FOLH1: variants seen among roughly 807,000 people sequenced by gnomAD.
FOLH1 encodes the protein glutamate carboxypeptidase 2.
A neutral mutation model predicts 93.9 loss-of-function variants in FOLH1; 54 were observed. That is an observed-to-expected ratio of 0.57 (90% CI 0.46 to 0.72). FOLH1 has a LOEUF of 0.72. FOLH1 is among the 30% of genes least tolerant of loss of function. FOLH1 has a pLI of 0.00. For missense variants in FOLH1, 571 were observed against 892.5 expected, an observed-to-expected ratio of 0.64 and a Z score of 4.59; for synonymous variants, 249 against 303.6, an observed-to-expected ratio of 0.82 and a Z score of 1.87.
intron 11 of FOLH1, among the ~76,000 whole-genome samples, 199 bp downstream of exon 11, chr11:49,170,996 G>C (rs1227303942): frequency 6.6e-6 from 1 of 152,068 alleles, no homozygotes; most frequent in Admixed American, 6.6e-5. Flanking sequence ...GGCTCTAAAA[G>C]GTTCAAACAA....
At position 49,169,439 on chromosome 11, in the gene FOLH1, C is replaced by G. The variant is rs202721; in HGVS notation, c.1309-181G>C. 0.89 allele frequency among the ~76,000 whole-genome samples: 135,615 copies of G among 152,092 alleles called. 60,488 individuals carry two copies. Among genetic ancestry groups the G allele is most frequent in the South Asian group, 0.95 (4,585 of 4,814 alleles). On this transcript the variant is annotated intron_variant, in intron 11 of 18. Coordinates refer to ENST00000256999, the MANE Select transcript of FOLH1 (RefSeq NM_004476.3). ...TGAAAGAATTTCAATAAAGATTACTCGTAGGAAACAACAAGCAAAACTTGT... is the reference window on the plus strand; with the variant it reads ...TGAAAGAATTTCAATAAAGATTACTGGTAGGAAACAACAAGCAAAACTTGT...
At chr11:49,169,089 T>C (rs1281994419) in intron 12 of FOLH1, 106 bp downstream of exon 12, 3 of 1,316,188 alleles carry the variant, frequency 2.3e-6, no homozygotes, top group African/African-American at 1.5e-5. Flanking sequence ...GTAGATTCCC[T>C]AACCACACAT....
intron 17 of FOLH1, among the ~76,000 whole-genome samples, chr11:49,153,123 A>G (rs1420936423): frequency 2.0e-5 from 3 of 152,148 alleles, no homozygotes; most frequent in Non-Finnish European, 4.4e-5. Flanking sequence ...TTTAATACAC[A>G]GATCTCTGCC....
chr11:49,147,824 G>A (rs1185259335), intron 18 of FOLH1, among the ~76,000 whole-genome samples: 2 of 152,068 alleles, frequency 1.3e-5, no homozygotes, highest in Admixed American at 6.6e-5. Context: ...CTTCTTTGGA[G>A]GCTGCTGCAG....
rs796609248 is a variant in FOLH1 at position 49,147,241 on chromosome 11, A to G, written c.2064-296T>C. ...TTAATGTTTACTTGCAATTTTTCTG[A>G]TGTTTAGAAATAAACTCTACACAGT... is the stretch of plus-strand genomic sequence containing the variant. On this transcript the variant is annotated intron_variant, in intron 18 of 18. Coordinates refer to ENST00000256999, the MANE Select transcript of FOLH1 (RefSeq NM_004476.3). Among the ~76,000 whole-genome samples the G allele has an allele frequency of 3.3e-5, 5 of 152,254 alleles. No homozygotes were observed. The East Asian group carries it at 5.8e-4, about 18-fold the overall frequency.
chr11:49,181,936 A>G (rs1287520160), intron 7 of FOLH1, among the ~76,000 whole-genome samples: 2 of 152,300 alleles, frequency 1.3e-5, no homozygotes, highest in Non-Finnish European at 1.5e-5. Flanking sequence ...AAAATTAGTA[A>G]GAAAGGCTTG....
At chr11:49,207,944 CAAACAAACAAAACA>C in intron 1 of FOLH1, 1 of 485,910 alleles carries the variant, frequency 2.1e-6, no homozygotes, top group Non-Finnish European at 3.8e-6. Context: ...AAAAAACAAA[CAAACAAACAAAACA>C]AAACAAAACA....
At chr11:49,164,384 G>A (rs1858107860) in intron 13 of FOLH1, among the ~76,000 whole-genome samples, 1 of 152,164 alleles carries the variant, frequency 6.6e-6, no homozygotes, top group African/African-American at 2.4e-5. Context: ...TTGAGCCATA[G>A]GACCAAGTCT....
chr11:49,207,665 A>T (rs1048902298), intron 1 of FOLH1: 1 of 344,792 alleles, frequency 2.9e-6, no homozygotes, highest in Non-Finnish European at 5.7e-6. Flanking sequence ...TCATCATAAA[A>T]TAGGGTAACT....
At chr11:49,161,052 T>C (rs1346805277) in intron 13 of FOLH1, among the ~76,000 whole-genome samples, 1 of 152,208 alleles carries the variant, frequency 6.6e-6, no homozygotes, top group African/African-American at 2.4e-5. Flanking sequence ...TCCAATTATG[T>C]GATCAATTTT....
At chr11:49,174,567 T>TA (rs966828466) in intron 9 of FOLH1, among the ~76,000 whole-genome samples, 2 of 152,098 alleles carry the variant, frequency 1.3e-5, no homozygotes, top group East Asian at 1.9e-4. Flanking sequence ...AAAAATATGG[T>TA]AAAAAAAAAT....
Position 49,200,407 on chromosome 11 carries a change from C to T in FOLH1, c.259G>A (p.Glu87Lys). Residue 87 changes from glutamate (E) to lysine (K), a missense_variant, in exon 3 of 19, where the codon GAA becomes AAA. Transcript: ENST00000256999. ...FTQIPHLAGT[E>K]QNFQLAKQIQ... Reference sequence around the variant, plus strand: ...TGCTTTGCAAGCTGAAAGTTTTGTTCTGTTCCTGCTAAATGTGGTATCTGT... The same window carrying T: ...TGCTTTGCAAGCTGAAAGTTTTGTTTTGTTCCTGCTAAATGTGGTATCTGT... 1.8e-5 allele frequency: 29 copies of T among 1,613,288 alleles called. No individual in the cohort carries two copies. The highest frequency in any genetic ancestry group is 2.5e-5 in the Non-Finnish European group (29 of 1,179,664).
At chr11:49,198,495 A>AC (rs1555009044) in intron 3 of FOLH1, among the ~76,000 whole-genome samples, 2 of 151,014 alleles carry the variant, frequency 1.3e-5, no homozygotes, top group Non-Finnish European at 2.9e-5. Context: ...AAAAACAAAA[A>AC]CAAAAACTAA....
At chr11:49,169,105 C>A in intron 12 of FOLH1, 90 bp downstream of exon 12, 1 of 1,435,456 alleles carries the variant, frequency 7.0e-7, no homozygotes, top group Non-Finnish European at 9.8e-7. Context: ...CACATTAATG[C>A]ATAGCCTTCC....
intron 1 of FOLH1, chr11:49,206,453 C>T (rs547318667): frequency 9.4e-5 from 59 of 628,694 alleles, no homozygotes; most frequent in Admixed American, 1.6e-4. Flanking sequence ...ATAATCAGGA[C>T]GAAAATAAAA....
intron 2 of FOLH1, among the ~76,000 whole-genome samples, chr11:49,205,695 T>C (rs989407555): frequency 6.6e-6 from 1 of 152,270 alleles, no homozygotes; most frequent in African/African-American, 2.4e-5. Context: ...AATAATATTT[T>C]TGACACATCA....
At chr11:49,191,172 C>T (rs1379333041) in intron 4 of FOLH1, among the ~76,000 whole-genome samples, 1 of 152,012 alleles carries the variant, frequency 6.6e-6, no homozygotes, top group African/African-American at 2.4e-5. Flanking sequence ...CCACCACTCC[C>T]GGCTAATTTT....
chr11:49,169,367 T>C, intron 11 of FOLH1, 109 bp from the exon 12 acceptor site: 1 of 975,384 alleles, frequency 1.0e-6, no homozygotes, highest in Non-Finnish European at 1.5e-6. Flanking sequence ...AGCTGACCCA[T>C]ATTAACGACA....
In FOLH1 at chr11:49,173,981, T is replaced by C. The variant is rs573569579; in HGVS notation, c.1106-505A>G. Among the ~76,000 whole-genome samples the C allele has an allele frequency of 4.6e-5, 7 of 152,304 alleles. No individual in the cohort carries two copies. In the South Asian group the frequency reaches 1.0e-3, roughly 23 times the overall value. ...TTTAAAGTACAGCTCAAGTATTTTC[T>C]ATAGAAGAGGGAATTTCTTTGCCTA... On this transcript the variant is annotated intron_variant, in intron 9 of 18. Transcript: ENST00000256999.
Sources: allele counts gnomAD v4.1 joint callset (sites outside exome capture counted in the v4.1 genomes callset), GRCh38; gene constraint gnomAD v4.1.1; transcripts MANE v1.5; gene names NCBI Gene and HGNC (gene_info 2026-07-23, HGNC 2026-07-21).